The following NHSL1 variants were observed in gnomAD, a reference collection of about 807,000 sequenced individuals.
NHSL1 encodes NHS-like protein 1.
A neutral mutation model predicts 95.0 loss-of-function variants in NHSL1; 48 were observed. That is an observed-to-expected ratio of 0.51 (90% confidence interval 0.40 to 0.64). NHSL1 has a LOEUF of 0.64. Among genes scored for constraint, NHSL1 ranks in the 30% least tolerant of loss-of-function variants. The probability of loss-of-function intolerance (pLI) is 0.00; values close to 1 mark genes in which losing one functional copy is unlikely to be tolerated. For missense variants in NHSL1, 1,971 were observed against 2,077.7 expected (o/e 0.95, Z 1.00); for synonymous variants, 783 against 833.9 (o/e 0.94, Z 1.05).
At chr6:138,678,694 A>ACTTTGC (rs1785477505) in intron 1 of NHSL1, among the ~76,000 whole-genome samples, 1 of 152,224 alleles carries the variant, frequency 6.6e-6, no homozygotes, top group Admixed American at 6.5e-5. Flanking sequence ...GAGGCAAATT[A>ACTTTGC]CTTTGCCTAT....
intron 3 of NHSL1, among the ~76,000 whole-genome samples, chr6:138,453,112 T>C (rs1403713993): frequency 1.3e-5 from 2 of 149,870 alleles, no homozygotes; most frequent in Non-Finnish European, 3.0e-5. Context: ...GTAGCTGGGA[T>C]TACAGGCACG....
At chr6:138,506,842 A>G (rs561596409) in intron 1 of NHSL1, among the ~76,000 whole-genome samples, 6 of 152,342 alleles carry the variant, frequency 3.9e-5, no homozygotes, top group African/African-American at 1.4e-4. Context: ...ACTTTATTTG[A>G]TATGGCAGAT....
intron 2 of NHSL1, among the ~76,000 whole-genome samples, chr6:138,480,050 A>C (rs942529540): frequency 1.3e-5 from 2 of 152,184 alleles, no homozygotes; most frequent in African/African-American, 4.8e-5. Context: ...ATATGGGAAG[A>C]TGAGGGGATG....
chr6:138,679,216 A>C (rs1785482949), intron 1 of NHSL1, among the ~76,000 whole-genome samples: 1 of 152,210 alleles, frequency 6.6e-6, no homozygotes, highest in Admixed American at 6.5e-5. Flanking sequence ...AGGTGAGAAA[A>C]GTTGAGACAG....
At chr6:138,666,590 CAAAAAAAA>C (rs10564684) in intron 1 of NHSL1, among the ~76,000 whole-genome samples, 2 of 89,296 alleles carry the variant, frequency 2.2e-5, no homozygotes, top group Admixed American at 1.4e-4. Context: ...GCCTCCATCT[CAAAAAAAA>C]AAAAAAAAAA....
At chr6:138,567,023 T>C (rs1783645159) in intron 1 of NHSL1, among the ~76,000 whole-genome samples, 1 of 152,238 alleles carries the variant, frequency 6.6e-6, no homozygotes, top group African/African-American at 2.4e-5. Flanking sequence ...CTTAAATTTG[T>C]GATGCTACTT....
At chr6:138,570,703 A>G (rs1179498620) in intron 1 of NHSL1, among the ~76,000 whole-genome samples, 3 of 152,266 alleles carry the variant, frequency 2.0e-5, no homozygotes, top group African/African-American at 7.2e-5. Flanking sequence ...TATTTAACTT[A>G]GTTGATTCTC....
At position 138,432,695 on chromosome 6, in the gene NHSL1, C is replaced by T. The variant is rs769065914; in HGVS notation, c.1650G>A (p.Ser550=). The T allele has an allele frequency of 3.3e-5, 51 of 1,551,506 alleles. No individual in the cohort carries two copies. Among genetic ancestry groups the T allele is most frequent in the South Asian group, 1.1e-4 (9 of 84,062 alleles). The change falls in exon 6 of 8, where the codon TCG becomes TCA. Residue 550 remains serine (S), a synonymous_variant. Coordinates refer to ENST00000343505, the MANE Select transcript of NHSL1 (RefSeq NM_001144060.2). The surrounding 1 kb of genome is among the most constrained non-coding windows in gnomAD (Gnocchi z 4.4). Reference sequence around the variant, plus strand: ...CTGAGGATTTGTATTCCCAGGGCTCCGAGCTGCTGTGCCCTCCGCCCCCTG... The same window carrying T: ...CTGAGGATTTGTATTCCCAGGGCTCTGAGCTGCTGTGCCCTCCGCCCCCTG... ...SYSGGGGHSS[S]EPWEYKSSGN... is the part of the protein sequence containing the mutation.
chr6:138,596,770 T>TG (rs997928493), intron 1 of NHSL1, among the ~76,000 whole-genome samples: 9 of 149,220 alleles, frequency 6.0e-5, no homozygotes, highest in African/African-American at 2.0e-4. Flanking sequence ...TTGGCGGGGG[T>TG]GGGGGGGAAG....
intron 2 of NHSL1, among the ~76,000 whole-genome samples, chr6:138,478,603 T>C (rs1353944683): frequency 6.6e-6 from 1 of 152,166 alleles, no homozygotes; most frequent in Non-Finnish European, 1.5e-5. Context: ...GCAAAGACTT[T>C]TTAAACACTG....
At chr6:138,480,807 T>G (rs1245479080) in intron 2 of NHSL1, among the ~76,000 whole-genome samples, 1 of 152,184 alleles carries the variant, frequency 6.6e-6, no homozygotes. Context: ...AAAATCTTTT[T>G]TCGGATGACT....
intron 3 of NHSL1, among the ~76,000 whole-genome samples, chr6:138,456,895 T>C (rs1239635394): frequency 1.3e-5 from 2 of 151,960 alleles, no homozygotes; most frequent in East Asian, 1.9e-4. Context: ...TTTTTTTTTT[T>C]TGGAGATGGA....
At chr6:138,491,699 T>C (rs1017334381) in intron 2 of NHSL1, among the ~76,000 whole-genome samples, 1 of 152,240 alleles carries the variant, frequency 6.6e-6, no homozygotes, top group Admixed American at 6.5e-5. Context: ...AGATGTCTAT[T>C]GAAGCAAATA....
At chr6:138,512,753 CGACCGCTTTCA>C (rs1781290428) in intron 1 of NHSL1, among the ~76,000 whole-genome samples, 1 of 152,132 alleles carries the variant, frequency 6.6e-6, no homozygotes, top group Non-Finnish European at 1.5e-5. Flanking sequence ...TTGGGGCAGA[CGACCGCTTTCA>C]GCCCTTGCCT....
chr6:138,498,421 G>A (rs537500072), intron 1 of NHSL1, among the ~76,000 whole-genome samples: 118 of 152,184 alleles, frequency 7.8e-4, no homozygotes, highest in South Asian at 7.3e-3. Context: ...CTTTAGCAAG[G>A]AGCTGCAGAA....
chr6:138,441,651 C>T lies in NHSL1; in HGVS notation c.664+332G>A, dbSNP rs1193502588. Reference sequence around the variant, plus strand: ...CTTCTGTTTCATGAAAACTTAAGATCTAAATGACAAGTAAATTTAATTGTG... The same window carrying T: ...CTTCTGTTTCATGAAAACTTAAGATTTAAATGACAAGTAAATTTAATTGTG... On this transcript the variant is annotated intron_variant, in intron 5 of 7. Coordinates refer to ENST00000343505, the MANE Select transcript of NHSL1 (RefSeq NM_001144060.2). Among the ~76,000 whole-genome samples, 3 of 152,196 alleles carry T rather than the reference C, an allele frequency of 2.0e-5. No homozygotes were observed. The East Asian group carries it at 5.8e-4, about 29-fold the overall frequency.
At chr6:138,463,308 A>G (rs1485791104) in intron 3 of NHSL1, among the ~76,000 whole-genome samples, 1 of 152,020 alleles carries the variant, frequency 6.6e-6, no homozygotes, top group Non-Finnish European at 1.5e-5. Flanking sequence ...GTGACTCCCC[A>G]TCTCACCCAG....
chr6:138,456,761 G>A (rs1458742278), intron 3 of NHSL1, among the ~76,000 whole-genome samples: 1 of 152,116 alleles, frequency 6.6e-6, no homozygotes, highest in Non-Finnish European at 1.5e-5. Context: ...AACCTCTTTG[G>A]CAGTACTTGG....
chr6:138,478,310 T>G (rs1307690577), intron 2 of NHSL1, among the ~76,000 whole-genome samples: 2 of 152,116 alleles, frequency 1.3e-5, no homozygotes, highest in Non-Finnish European at 2.9e-5. Flanking sequence ...GTATAATAAA[T>G]GGTAGTAGAA....
Sources: gnomAD v4.1 joint callset for allele counts (sites outside exome capture counted in the v4.1 genomes callset) on GRCh38, gnomAD v4.1.1 for gene constraint, Gnocchi (gnomAD v3.1) non-coding constraint, MANE v1.5 for transcripts, NCBI Gene and HGNC (gene_info 2026-07-23, HGNC 2026-07-21) for gene names.